ZNF385B: variants seen among roughly 807,000 people sequenced by gnomAD.
ZNF385B encodes zinc finger protein 385B, also known as zinc finger protein 533.
In ZNF385B, 23 loss-of-function variants were observed where a neutral mutation model predicts 39.2. The ratio of observed to expected loss-of-function variants is 0.59; its 90% CI spans 0.42 to 0.83. The LOEUF (loss-of-function observed/expected upper bound fraction) is 0.83. Ranked by LOEUF, ZNF385B falls within the 40% of genes least tolerant of loss-of-function variation. The probability of loss-of-function intolerance (pLI) is 0.00; values close to 1 mark genes in which losing one functional copy is unlikely to be tolerated. For synonymous variants in ZNF385B, 205 were observed against 222.6 expected (o/e 0.92, Z 0.70); for missense variants, 552 against 598.9 (o/e 0.92, Z 0.82).
At chr2:179,758,382 G>C (rs1255265830) in intron 3 of ZNF385B, among the ~76,000 whole-genome samples, 4 of 152,160 alleles carry the variant, frequency 2.6e-5, no homozygotes, top group Admixed American at 2.6e-4. Flanking sequence ...TCCTCCAGAG[G>C]AAACCAACAC....
intron 1 of ZNF385B, among the ~76,000 whole-genome samples, chr2:179,850,610 G>C (rs1182101503): frequency 6.6e-6 from 1 of 152,162 alleles, no homozygotes; most frequent in Non-Finnish European, 1.5e-5. Context: ...GGAGGCACAT[G>C]CTTTGTCTGT....
intron 1 of ZNF385B, among the ~76,000 whole-genome samples, chr2:179,809,587 G>A (rs1706607771): frequency 6.6e-6 from 1 of 151,948 alleles, no homozygotes; most frequent in East Asian, 1.9e-4. Flanking sequence ...TTCAACTACA[G>A]ATAAAAGCTG....
At chr2:179,518,706 C>T (rs2058270063) in intron 4 of ZNF385B, 68 bp from the exon 5 acceptor site, 2 of 940,882 alleles carry the variant, frequency 2.1e-6, no homozygotes, top group South Asian at 3.9e-5. Context: ...GAGCAAATAA[C>T]AGTAGTTGAA....
At chr2:179,817,477 A>G (rs1425834805) in intron 1 of ZNF385B, among the ~76,000 whole-genome samples, 2 of 152,242 alleles carry the variant, frequency 1.3e-5, no homozygotes, top group African/African-American at 2.4e-5. Context: ...AGCCAGTATC[A>G]AAACCATTAA....
At chr2:179,667,352 C>A (rs183249970) in intron 3 of ZNF385B, among the ~76,000 whole-genome samples, 10 of 152,256 alleles carry the variant, frequency 6.6e-5, no homozygotes, top group South Asian at 4.1e-4. Context: ...CTGCAGAAAT[C>A]ATGTACTATG....
chr2:179,852,436 T>C (rs1684253633), intron 1 of ZNF385B, among the ~76,000 whole-genome samples: 1 of 152,172 alleles, frequency 6.6e-6, no homozygotes, highest in African/African-American at 2.4e-5. Flanking sequence ...ATTATAATCT[T>C]GGGAGCCAAA....
chr2:179,760,075 G>T (rs1369981419), intron 3 of ZNF385B, among the ~76,000 whole-genome samples: 6 of 147,000 alleles, frequency 4.1e-5, no homozygotes, highest in East Asian at 2.0e-4. Flanking sequence ...TTGAGACGGA[G>T]TCTCACTCTG....
At chr2:179,665,833 T>TA (rs201783213) in intron 3 of ZNF385B, among the ~76,000 whole-genome samples, 2,098 of 151,516 alleles carry the variant, frequency 0.014, 54 homozygotes, top group African/African-American at 0.048. Flanking sequence ...TCTTTTCATT[T>TA]AAAAAAAAAT....
At chr2:179,651,270 T>C (rs1693171369) in intron 3 of ZNF385B, among the ~76,000 whole-genome samples, 1 of 152,114 alleles carries the variant, frequency 6.6e-6, no homozygotes, top group South Asian at 2.1e-4. Flanking sequence ...AAACAAAATG[T>C]TCAATAATAT....
chr2:179,662,240 C>T (rs1025140826), intron 3 of ZNF385B, among the ~76,000 whole-genome samples: 6 of 152,070 alleles, frequency 3.9e-5, no homozygotes, highest in South Asian at 4.1e-4. Context: ...ATGCAGCTAA[C>T]TGAAGGCAGA....
chr2:179,539,169 G>T lies in ZNF385B; in HGVS notation c.441+5658C>A, dbSNP rs11901287. Among the ~76,000 whole-genome samples, 60 of 152,356 alleles carry T rather than the reference G, an allele frequency of 3.9e-4. 1 individual carries two copies. Among genetic ancestry groups the T allele is most frequent in the African/African-American group, 1.4e-3 (58 of 41,592 alleles). ...CTGGAGGTCCAAGATCAAGGTGCCA[G>T]TATGGTGGGGTTCCGAGTGAGGGCT... On this transcript the variant is annotated intron_variant, in intron 4 of 9. Coordinates refer to ENST00000410066, the MANE Select transcript of ZNF385B (RefSeq NM_152520.6).
chr2:179,726,968 C>A (rs1470191620), intron 3 of ZNF385B, among the ~76,000 whole-genome samples: 2 of 152,004 alleles, frequency 1.3e-5, no homozygotes, highest in Non-Finnish European at 2.9e-5. Context: ...ATTACTTTAA[C>A]CCGAGTACTT....
intron 3 of ZNF385B, among the ~76,000 whole-genome samples, chr2:179,695,805 C>A (rs1490503565): frequency 6.6e-6 from 1 of 152,198 alleles, no homozygotes; most frequent in African/African-American, 2.4e-5. Context: ...TTTACAGCGG[C>A]ATTGTTCATA....
intron 3 of ZNF385B, chr2:179,562,528 C>A (rs796166996): frequency 3.0e-6 from 3 of 985,330 alleles, no homozygotes; most frequent in Non-Finnish European, 3.6e-6. Context: ...AGGAAACAGC[C>A]GGCAGGCAGT....
At chr2:179,521,353 G>GTTTTTTTTTT (rs56392185) in intron 4 of ZNF385B, among the ~76,000 whole-genome samples, 28 of 108,160 alleles carry the variant, frequency 2.6e-4, no homozygotes, top group South Asian at 7.2e-4. Flanking sequence ...CACCTGGCCA[G>GTTTTTTTTTT]TTTTTTTTTT....
Position 179,705,162 on chromosome 2 carries a change from G to A in ZNF385B, c.298+64341C>T, listed in dbSNP as rs182777559. Among the ~76,000 whole-genome samples, 582 of 151,746 alleles carry A rather than the reference G, an allele frequency of 3.8e-3. 3 individuals carry two copies. Among genetic ancestry groups the A allele is most frequent in the South Asian group, 0.019 (90 of 4,792 alleles). ...GCCCTTAAGTCTTCCTTCACTTCCT[G>A]CCCCAAAGGAAGCCTAGATCTCTGA... is the stretch of plus-strand genomic sequence containing the variant. On this transcript the variant is annotated intron_variant, in intron 3 of 9. Coordinates refer to ENST00000410066, the MANE Select transcript of ZNF385B (RefSeq NM_152520.6).
intron 3 of ZNF385B, among the ~76,000 whole-genome samples, chr2:179,547,138 T>C (rs1158757405): frequency 6.7e-6 from 1 of 149,720 alleles, no homozygotes; most frequent in Non-Finnish European, 1.5e-5. Flanking sequence ...AGATGGATAG[T>C]TTGCAAATAT....
At chr2:179,541,416 T>C (rs1373642787) in intron 4 of ZNF385B, among the ~76,000 whole-genome samples, 1 of 152,182 alleles carries the variant, frequency 6.6e-6, no homozygotes, top group African/African-American at 2.4e-5. Context: ...TACTTCACTA[T>C]AAGAAAGAGG....
chr2:179,525,706 A>G (rs574297315), intron 4 of ZNF385B, among the ~76,000 whole-genome samples: 2 of 152,320 alleles, frequency 1.3e-5, no homozygotes, highest in African/African-American at 4.8e-5. Context: ...ACTATTTTTT[A>G]TCCCTTCCTT....
Sources: gnomAD v4.1 joint callset for allele counts (sites outside exome capture counted in the v4.1 genomes callset) on GRCh38, gnomAD v4.1.1 for gene constraint, MANE v1.5 for transcripts, NCBI Gene and HGNC (gene_info 2026-07-23, HGNC 2026-07-21) for gene names.